Variants in CPEB3 observed in about 807,000 individuals in gnomAD.
CPEB3 encodes the protein cytoplasmic polyadenylation element-binding protein 3.
CPEB3 carries 20 observed loss-of-function variants against 67.2 expected under a neutral mutation model. That is an observed-to-expected ratio of 0.30 (90% CI 0.21 to 0.43). CPEB3 has a LOEUF of 0.43. Ranked by LOEUF, CPEB3 falls within the 20% of genes least tolerant of loss-of-function variation. The pLI is 1.00. For missense variants in CPEB3, 746 were observed against 968.6 expected, an observed-to-expected ratio of 0.77 and a Z score of 3.05; for synonymous variants, 376 against 393.1, an observed-to-expected ratio of 0.96 and a Z score of 0.51.
intron 7 of CPEB3, among the ~76,000 whole-genome samples, chr10:92,102,894 G>T (rs1272063812): frequency 1.3e-5 from 2 of 152,088 alleles, no homozygotes; most frequent in African/African-American, 4.8e-5. Context: ...GTCATTTACT[G>T]GTCATATGTC....
intron 1 of CPEB3, among the ~76,000 whole-genome samples, chr10:92,284,916 G>A (rs1455163120): frequency 3.3e-5 from 5 of 152,014 alleles, no homozygotes; most frequent in Admixed American, 2.0e-4. Context: ...AGTTGTCTTC[G>A]TCCATTTTAT....
At chr10:92,200,259 T>C (rs1002998318) in intron 2 of CPEB3, among the ~76,000 whole-genome samples, 3 of 152,128 alleles carry the variant, frequency 2.0e-5, no homozygotes, top group South Asian at 2.1e-4. Context: ...GATTAGGGCA[T>C]ACAGGCCGGG....
chr10:92,094,808 G>GACAC (rs10654734), intron 7 of CPEB3, among the ~76,000 whole-genome samples: 4,104 of 145,786 alleles, frequency 0.028, 88 homozygotes, highest in African/African-American at 0.056. Context: ...AGATTCTAAT[G>GACAC]ACACACACAC....
chr10:92,119,543 G>A (rs1325170687), intron 6 of CPEB3, among the ~76,000 whole-genome samples: 1 of 152,178 alleles, frequency 6.6e-6, no homozygotes, highest in Admixed American at 6.5e-5. Context: ...GGGACTGGGG[G>A]TGAGGGTTTG....
intron 7 of CPEB3, among the ~76,000 whole-genome samples, chr10:92,100,431 G>A (rs1182289008): frequency 1.3e-5 from 2 of 151,910 alleles, no homozygotes; most frequent in Non-Finnish European, 2.9e-5. Flanking sequence ...GCGCCACCAC[G>A]CCCCACTAAT....
At chr10:92,149,812 T>A (rs992163122) in intron 4 of CPEB3, among the ~76,000 whole-genome samples, 6 of 151,882 alleles carry the variant, frequency 4.0e-5, no homozygotes, top group Admixed American at 3.3e-4. Flanking sequence ...TCTGTGGGGG[T>A]CAGGCTTGAA....
At chr10:92,278,930 A>T (rs554679510) in intron 1 of CPEB3, among the ~76,000 whole-genome samples, 33 of 146,320 alleles carry the variant, frequency 2.3e-4, no homozygotes, top group South Asian at 6.5e-4. Flanking sequence ...TGTTTTTATT[A>T]TTTTTTTTTT....
At chr10:92,282,233 T>C (rs1842328953) in intron 1 of CPEB3, among the ~76,000 whole-genome samples, 2 of 152,202 alleles carry the variant, frequency 1.3e-5, no homozygotes, top group East Asian at 3.8e-4. Context: ...AATTGACAGA[T>C]GATATTGATT....
intron 2 of CPEB3, among the ~76,000 whole-genome samples, chr10:92,217,691 G>A (rs1590418397): frequency 6.6e-6 from 1 of 152,320 alleles, no homozygotes; most frequent in Non-Finnish European, 1.5e-5. Flanking sequence ...GAACCTGGGA[G>A]GCACAGGTTG....
chr10:92,188,505 AG>A (rs1848808181), intron 3 of CPEB3, among the ~76,000 whole-genome samples: 1 of 151,992 alleles, frequency 6.6e-6, no homozygotes, highest in Non-Finnish European at 1.5e-5. Flanking sequence ...GCAGATGACA[AG>A]GTCAGGAGTT....
chr10:92,166,178 G>A (rs562385312), intron 4 of CPEB3, among the ~76,000 whole-genome samples: 18 of 150,840 alleles, frequency 1.2e-4, no homozygotes, highest in African/African-American at 3.2e-4. Flanking sequence ...GCGTGATCTC[G>A]GCTCACTGCC....
intron 9 of CPEB3, among the ~76,000 whole-genome samples, chr10:92,054,775 T>A (rs544861576): frequency 1.3e-5 from 2 of 152,202 alleles, no homozygotes; most frequent in South Asian, 4.2e-4. Flanking sequence ...AACTAGCAAA[T>A]TATTCAAATT....
intron 9 of CPEB3, among the ~76,000 whole-genome samples, chr10:92,056,667 G>A (rs1020622672): frequency 5.3e-5 from 8 of 152,152 alleles, no homozygotes; most frequent in Admixed American, 2.0e-4. Context: ...CATAAGGACT[G>A]CAACACTTAG....
At chr10:92,280,469 C>T (rs576939063) in intron 1 of CPEB3, among the ~76,000 whole-genome samples, 1 of 149,976 alleles carries the variant, frequency 6.7e-6, no homozygotes, top group South Asian at 2.1e-4. Context: ...GCCTATAATC[C>T]CAATACTTTG....
chr10:92,247,499 G>T (rs1852121512), intron 1 of CPEB3, among the ~76,000 whole-genome samples: 1 of 152,202 alleles, frequency 6.6e-6, no homozygotes, highest in Admixed American at 6.5e-5. Context: ...CCCAGGTCAA[G>T]CGATTCTCCT....
At chr10:92,119,351 C>T (rs981745084) in intron 6 of CPEB3, among the ~76,000 whole-genome samples, 21 of 152,134 alleles carry the variant, frequency 1.4e-4, no homozygotes, top group African/African-American at 5.1e-4. Context: ...CTAGTTTTCC[C>T]CTTGTTTCTA....
At chr10:92,217,206 CAAA>C (rs1163974877) in intron 2 of CPEB3, among the ~76,000 whole-genome samples, 238 of 25,384 alleles carry the variant, frequency 9.4e-3, no homozygotes, top group Admixed American at 0.013. Flanking sequence ...GACTCTGCCT[CAAA>C]AAAAAAAAAA....
At chr10:92,246,685 C>T (rs6583805) in intron 1 of CPEB3, among the ~76,000 whole-genome samples, 52,661 of 151,530 alleles carry the variant, frequency 0.35, 10,186 homozygotes, top group African/African-American at 0.51. Flanking sequence ...ATTTTTTGTA[C>T]TTTTAGTAGA....
intron 3 of CPEB3, among the ~76,000 whole-genome samples, chr10:92,182,086 A>G (rs1255610934): frequency 6.6e-6 from 1 of 152,246 alleles, no homozygotes; most frequent in African/African-American, 2.4e-5. Context: ...TAAAGCTAAT[A>G]TCTATAAACT....
Sources: gnomAD v4.1 joint callset for allele counts (sites outside exome capture counted in the v4.1 genomes callset) on GRCh38, gnomAD v4.1.1 for gene constraint, MANE v1.5 for transcripts, NCBI Gene and HGNC (gene_info 2026-07-23, HGNC 2026-07-21) for gene names.